Variants in NDE1 observed in about 807,000 individuals in gnomAD.
The protein encoded by NDE1 is nuclear distribution protein nudE homolog 1.
In NDE1, 28 loss-of-function variants were observed where a neutral mutation model predicts 43.4. The ratio of observed to expected loss-of-function variants is 0.65; its 90% confidence interval spans 0.48 to 0.89. NDE1 has a LOEUF of 0.89. NDE1 is among the 40% of genes least tolerant of loss of function. The probability of loss-of-function intolerance (pLI) is 0.00; values close to 1 mark genes in which losing one functional copy is unlikely to be tolerated. For missense variants in NDE1, 441 were observed against 434.1 expected (o/e 1.02, Z -0.14); for synonymous variants, 184 against 172.0 (o/e 1.07, Z -0.55).
In NDE1 at chr16:15,724,152, G is replaced by A. The variant is rs571613839; in HGVS notation, c.948-39G>A. On this transcript the variant is annotated intron_variant, in intron 8 of 8. Coordinates refer to ENST00000396354, the MANE Select transcript of NDE1 (RefSeq NM_017668.3). The stretch of plus-strand genomic sequence containing the variant: ...ATGGCCAGAGTGGGGGACACCCCAC[G>A]CCCTCTACCTGATCAAATTTCCTCT... 33 of 1,612,584 alleles carry A rather than the reference G, an allele frequency of 2.0e-5. No individual in the cohort carries two copies. Among genetic ancestry groups the A allele is most frequent in the East Asian group, 1.1e-4 (5 of 44,888 alleles).
upstream of NDE1, among the ~76,000 whole-genome samples, chr16:15,648,757 G>C (rs1048709085): frequency 3.3e-5 from 5 of 152,166 alleles, no homozygotes; most frequent in African/African-American, 1.2e-4. Flanking sequence ...GCAGTGAGCC[G>C]AGATCGCACC....
At chr16:15,696,011 G>A (rs1295480372) in intron 7 of NDE1, 1 of 150,576 alleles carries the variant, frequency 6.6e-6, no homozygotes, top group African/African-American at 2.5e-5. Context: ...TTTCCAGAAA[G>A]CTCCCATTTT....
At chr16:15,710,244 C>T (rs909635393) in intron 8 of NDE1, among the ~76,000 whole-genome samples, 6 of 152,188 alleles carry the variant, frequency 3.9e-5, no homozygotes, top group Non-Finnish European at 7.4e-5. Context: ...CTGGGCCGGC[C>T]GGGCATGGTG....
intron 7 of NDE1, chr16:15,694,827 T>G (rs1347702935): frequency 2.0e-6 from 2 of 985,188 alleles, no homozygotes; most frequent in South Asian, 4.7e-5. Flanking sequence ...TTTGGGAAAT[T>G]AGGGTGATAT....
At chr16:15,708,972 AGT>A (rs1422218039) in intron 8 of NDE1, 2 of 985,024 alleles carry the variant, frequency 2.0e-6, no homozygotes, top group African/African-American at 1.6e-5. Flanking sequence ...ATTTTGAGAT[AGT>A]CTCTGTCACC....
chr16:15,722,958 G>A (rs1596726000), intron 8 of NDE1, among the ~76,000 whole-genome samples: 1 of 152,150 alleles, frequency 6.6e-6, no homozygotes, highest in South Asian at 2.1e-4. Flanking sequence ...TGGCCAGGCT[G>A]GTCTCAAACC....
intron 8 of NDE1, chr16:15,718,070 A>C: frequency 1.2e-5 from 7 of 581,484 alleles, no homozygotes; most frequent in African/African-American, 1.9e-5. Context: ...GCCGTGAGGT[A>C]CGGGGAGCCA....
intron 4 of NDE1, chr16:15,686,977 A>G: frequency 5.1e-6 from 5 of 985,394 alleles, no homozygotes; most frequent in Middle Eastern, 5.2e-4. Flanking sequence ...GATTACAGGC[A>G]TGAGCCACCT....
At chr16:15,710,515 G>A (rs1567677017) in intron 8 of NDE1, among the ~76,000 whole-genome samples, 3 of 151,730 alleles carry the variant, frequency 2.0e-5, no homozygotes, top group African/African-American at 2.4e-5. Flanking sequence ...GCTAGACTCC[G>A]TCTAAAAATA....
chr16:15,721,288 C>G, intron 8 of NDE1: 1 of 1,136,232 alleles, frequency 8.8e-7, no homozygotes, highest in South Asian at 1.3e-5. Context: ...CTGCACCAGT[C>G]CAAAAACCTC....
At chr16:15,676,776 A>T (rs2037903680) in intron 3 of NDE1, among the ~76,000 whole-genome samples, 1 of 151,980 alleles carries the variant, frequency 6.6e-6, no homozygotes. Context: ...TGGTCCTCCC[A>T]CCTCAGCCTC....
rs2039326079 is a variant in NDE1 at position 15,704,132 on chromosome 16, T to C, written c.947+7272T>C. 1.9e-6 allele frequency: 3 copies of C among 1,613,892 alleles called. No homozygotes were observed. In the East Asian group the frequency reaches 6.7e-5, roughly 36 times the overall value. On this transcript the variant is annotated intron_variant, in intron 8 of 8. Coordinates refer to ENST00000396354, the MANE Select transcript of NDE1 (RefSeq NM_017668.3). ...AGGTCTCGTTTCCTCGCCTGTGGGTTGTAAGAAAACACATTATTTAGCAAA... is the reference window on the plus strand; with the variant it reads ...AGGTCTCGTTTCCTCGCCTGTGGGTCGTAAGAAAACACATTATTTAGCAAA...
At chr16:15,706,189 C>T (rs1484648955) in intron 8 of NDE1, among the ~76,000 whole-genome samples, 1 of 152,106 alleles carries the variant, frequency 6.6e-6, no homozygotes, top group Non-Finnish European at 1.5e-5. Context: ...ACACTCCTAG[C>T]CCAGCTTCAC....
chr16:15,716,545 A>G (rs1418687841), intron 8 of NDE1, among the ~76,000 whole-genome samples: 1 of 151,922 alleles, frequency 6.6e-6, no homozygotes, highest in Non-Finnish European at 1.5e-5. Flanking sequence ...TGTGTGTGGA[A>G]GGGTCCCACT....
chr16:15,666,216 G>A (rs1017018291), intron 2 of NDE1, among the ~76,000 whole-genome samples: 2 of 151,964 alleles, frequency 1.3e-5, no homozygotes, highest in African/African-American at 4.8e-5. Context: ...ATATCTGGGA[G>A]GTGTGTGTGT....
chr16:15,675,279 A>G (rs1016257145), intron 3 of NDE1, among the ~76,000 whole-genome samples: 5 of 150,102 alleles, frequency 3.3e-5, no homozygotes, highest in African/African-American at 7.4e-5. Flanking sequence ...GCTCACTGCA[A>G]CCTCCGCCTC....
In NDE1 at chr16:15,724,075, G is replaced by A. The variant is rs2040621361; in HGVS notation, c.948-116G>A. The A allele has an allele frequency of 8.1e-6, 13 of 1,599,502 alleles. No individual in the cohort carries two copies. The East Asian group carries it at 2.0e-4, about 25-fold the overall frequency. ...AGAGTGGAGAGGGGATGCAGGCACAGGCCAGAGCCACGCGTCATACTCTGC... is the reference window on the plus strand; with the variant it reads ...AGAGTGGAGAGGGGATGCAGGCACAAGCCAGAGCCACGCGTCATACTCTGC... On this transcript the variant is annotated intron_variant, in intron 8 of 8. Transcript: ENST00000396354.
At chr16:15,654,144 C>A (rs2036637867) in intron 1 of NDE1, among the ~76,000 whole-genome samples, 2 of 152,124 alleles carry the variant, frequency 1.3e-5, no homozygotes, top group Admixed American at 1.3e-4. Context: ...GATTTGTCTA[C>A]AGAGCTGCTG....
chr16:15,663,463 C>T (rs1029227565), intron 1 of NDE1, among the ~76,000 whole-genome samples: 4 of 151,388 alleles, frequency 2.6e-5, no homozygotes, highest in Non-Finnish European at 5.9e-5. Flanking sequence ...AGGCTGGTCT[C>T]GAACTCCTGC....
Sources: gnomAD v4.1 joint callset for allele counts (sites outside exome capture counted in the v4.1 genomes callset) on GRCh38, gnomAD v4.1.1 for gene constraint, MANE v1.5 for transcripts, NCBI Gene and HGNC (gene_info 2026-07-23, HGNC 2026-07-21) for gene names.